The following SULF1 variants were observed in gnomAD, a reference collection of about 807,000 sequenced individuals.
SULF1 encodes the protein extracellular sulfatase Sulf-1.
SULF1 carries 46 observed loss-of-function variants against 110.5 expected under a neutral mutation model. The observed-to-expected ratio is 0.42, with a 90% CI of 0.33 to 0.53. The LOEUF (loss-of-function observed/expected upper bound fraction) is 0.53, where lower values mean the gene tolerates loss of function less well. Ranked by LOEUF, SULF1 falls within the 20% of genes least tolerant of loss-of-function variation. The pLI is 0.12. For synonymous variants in SULF1, 371 were observed against 387.1 expected (o/e 0.96, Z 0.49); for missense variants, 941 against 1,094.2 (o/e 0.86, Z 1.98).
upstream of SULF1, chr8:69,492,675 T>A (rs1008361747): frequency 6.6e-6 from 1 of 152,138 alleles, no homozygotes; most frequent in Non-Finnish European, 1.5e-5. Flanking sequence ...CCCTTTTTTT[T>A]CCCCCAGTCC....
chr8:69,509,633 A>G (rs1811423390), intron 3 of SULF1, among the ~76,000 whole-genome samples: 1 of 152,204 alleles, frequency 6.6e-6, no homozygotes. Context: ...GTGACTGAAA[A>G]ATTGTCATCA....
intron 1 of SULF1, among the ~76,000 whole-genome samples, chr8:69,495,213 AT>A (rs61008806): frequency 0.015 from 2,252 of 152,116 alleles, 51 homozygotes; most frequent in African/African-American, 0.052. Context: ...ATAAAAAGCA[AT>A]TTTTTTAAGC....
chr8:69,561,323 C>A (rs1815471537), intron 3 of SULF1, among the ~76,000 whole-genome samples: 1 of 151,978 alleles, frequency 6.6e-6, no homozygotes, highest in African/African-American at 2.4e-5. Context: ...AAATGTAGAT[C>A]TTTTCTGCAC....
intron 5 of SULF1, among the ~76,000 whole-genome samples, chr8:69,569,293 G>A (rs1423041176): frequency 1.3e-5 from 2 of 152,176 alleles, no homozygotes; most frequent in African/African-American, 4.8e-5. Context: ...CTAGCCCACA[G>A]ATGTATGTTG....
intron 22 of SULF1, among the ~76,000 whole-genome samples, chr8:69,649,919 A>G (rs568707731): frequency 6.4e-4 from 77 of 121,040 alleles, no homozygotes; most frequent in Non-Finnish European, 1.1e-3. Flanking sequence ...ATTTGTTGTT[A>G]CCATGATGGT....
chr8:69,594,161 C>T (rs1807121587), intron 8 of SULF1, among the ~76,000 whole-genome samples: 1 of 152,174 alleles, frequency 6.6e-6, no homozygotes, highest in Non-Finnish European at 1.5e-5. Flanking sequence ...AAACCATTCT[C>T]CTGCCTCAGC....
At chr8:69,575,890 CAG>C (rs1805575672) in intron 5 of SULF1, 78 bp from the exon 6 acceptor site, 1 of 1,518,128 alleles carries the variant, frequency 6.6e-7, no homozygotes. Flanking sequence ...GTCAGGGAAA[CAG>C]AGGCACTGAG....
chr8:69,619,874 G>T (rs1809471556), intron 13 of SULF1, among the ~76,000 whole-genome samples: 1 of 152,202 alleles, frequency 6.6e-6, no homozygotes, highest in Non-Finnish European at 1.5e-5. Flanking sequence ...GACGGCCCCA[G>T]TGTTACAATG....
chr8:69,571,070 A>G (rs951588797), intron 5 of SULF1, among the ~76,000 whole-genome samples: 1 of 152,264 alleles, frequency 6.6e-6, no homozygotes, highest in Non-Finnish European at 1.5e-5. Flanking sequence ...CAGTGTGTGT[A>G]GAAAAGGGAA....
chr8:69,641,515 C>A (rs966009419), intron 22 of SULF1, among the ~76,000 whole-genome samples: 1 of 151,934 alleles, frequency 6.6e-6, no homozygotes, highest in Non-Finnish European at 1.5e-5. Flanking sequence ...GGAGCCCAAG[C>A]GGGAGGATTG....
chr8:69,519,798 G>A (rs1203563607), intron 3 of SULF1, among the ~76,000 whole-genome samples: 2 of 152,102 alleles, frequency 1.3e-5, no homozygotes, highest in Non-Finnish European at 2.9e-5. Context: ...ATAGCAAGAT[G>A]CATTGAGTTG....
chr8:69,604,790 C>G lies in SULF1; in HGVS notation c.1248-13C>G. On this transcript the variant is annotated splice_polypyrimidine_tract_variant and intron_variant, in intron 12 of 22. Transcript: ENST00000402687. ...CACTTCTCATGTACGAAGCTTTTCC[C>G]TTTTTGTCGAAGCAAATTTCTACGT... is the stretch of plus-strand genomic sequence containing the variant. 6.2e-7 allele frequency: 1 copy of G among 1,613,786 alleles called. No homozygotes were observed. The highest frequency in any genetic ancestry group is 8.5e-7 in the Non-Finnish European group (1 of 1,179,878).
At chr8:69,583,803 A>G (rs185213302) in intron 6 of SULF1, among the ~76,000 whole-genome samples, 11 of 152,318 alleles carry the variant, frequency 7.2e-5, no homozygotes, top group African/African-American at 2.6e-4. Context: ...GAACATGACT[A>G]TACCACAATG....
At chr8:69,492,574 C>A (rs1254470750), upstream of SULF1, among the ~76,000 whole-genome samples, 1 of 152,210 alleles carries the variant, frequency 6.6e-6, no homozygotes, top group South Asian at 2.1e-4. Flanking sequence ...AACCACATGC[C>A]TGGAAACCCT....
upstream of SULF1, among the ~76,000 whole-genome samples, chr8:69,492,520 A>T (rs1809993475): frequency 6.6e-6 from 1 of 152,100 alleles, no homozygotes; most frequent in South Asian, 2.1e-4. Context: ...CATCCACTCC[A>T]TCCTGCCACA....
At chr8:69,535,724 C>G (rs1813389153) in intron 3 of SULF1, among the ~76,000 whole-genome samples, 1 of 152,040 alleles carries the variant, frequency 6.6e-6, no homozygotes, top group South Asian at 2.1e-4. Context: ...AACACAACCA[C>G]CCTCATCCAA....
intron 10 of SULF1, 106 bp from the exon 11 acceptor site, chr8:69,603,086 G>T: frequency 6.7e-7 from 1 of 1,489,730 alleles, no homozygotes; most frequent in South Asian, 1.2e-5. Flanking sequence ...AGATGAGAGG[G>T]TGAGAAGAGT....
At chr8:69,630,703 G>A (rs1381170513) in intron 19 of SULF1, among the ~76,000 whole-genome samples, 2 of 152,092 alleles carry the variant, frequency 1.3e-5, no homozygotes, top group Non-Finnish European at 2.9e-5. Flanking sequence ...CATCTAGCAA[G>A]ACACTTTATT....
intron 6 of SULF1, among the ~76,000 whole-genome samples, chr8:69,581,539 A>G (rs1386213829): frequency 6.6e-6 from 1 of 152,192 alleles, no homozygotes; most frequent in Non-Finnish European, 1.5e-5. Context: ...TGGTATCCAA[A>G]ACAAAGAGGA....
Sources: gnomAD v4.1 joint callset for allele counts (sites outside exome capture counted in the v4.1 genomes callset) on GRCh38, gnomAD v4.1.1 for gene constraint, MANE v1.5 for transcripts, NCBI Gene and HGNC (gene_info 2026-07-23, HGNC 2026-07-21) for gene names.